Variants in PCNX2 observed in about 807,000 individuals in gnomAD.
PCNX2 encodes pecanex-like protein 2.
PCNX2 carries 168 observed loss-of-function variants against 223.8 expected under a neutral mutation model. The ratio of observed to expected loss-of-function variants is 0.75; its 90% CI spans 0.66 to 0.85. PCNX2 has a LOEUF of 0.85. Among genes scored for constraint, PCNX2 ranks in the 40% least tolerant of loss-of-function variants. PCNX2 has a pLI of 0.00. For synonymous variants in PCNX2, 1,006 were observed against 1,052.6 expected, an observed-to-expected ratio of 0.96 and a Z score of 0.86; for missense variants, 2,507 against 2,675.5, an observed-to-expected ratio of 0.94 and a Z score of 1.39.
At chr1:233,289,887 T>C (rs1396329736) in intron 1 of PCNX2, among the ~76,000 whole-genome samples, 1 of 152,248 alleles carries the variant, frequency 6.6e-6, no homozygotes. Flanking sequence ...GCAGGTTGCA[T>C]GCTGCACAAA....
intron 1 of PCNX2, among the ~76,000 whole-genome samples, chr1:233,268,411 T>C (rs1039363695): frequency 6.6e-6 from 1 of 152,194 alleles, no homozygotes; most frequent in Non-Finnish European, 1.5e-5. Context: ...TGCTGAGGGT[T>C]TCTGTTTGCA....
intron 9 of PCNX2, among the ~76,000 whole-genome samples, chr1:233,228,200 G>A (rs1020791924): frequency 1.1e-4 from 16 of 152,150 alleles, no homozygotes; most frequent in South Asian, 4.2e-4. Context: ...CCCGTTCTCC[G>A]TGTACAGAAG....
intron 18 of PCNX2, 104 bp downstream of exon 18, chr1:233,161,167 T>C (rs1678449795): frequency 9.2e-7 from 1 of 1,084,824 alleles, no homozygotes; most frequent in Non-Finnish European, 1.4e-6. Flanking sequence ...TTTTGTTTTC[T>C]TTCTCTGGCT....
Position 233,258,973 on chromosome 1 carries a change from C to G in PCNX2, c.889G>C (p.Glu297Gln), listed in dbSNP as rs1418814256. The G allele has an allele frequency of 1.2e-6, 2 of 1,613,770 alleles. No individual in the cohort carries two copies. The highest frequency in any genetic ancestry group is 2.7e-5 in the African/African-American group (2 of 74,880). The change falls in exon 5 of 34, where the codon GAA becomes CAA. Residue 297 changes from glutamate to glutamine, a missense_variant. By Grantham distance (29) the Glu-to-Gln change is conservative. This residue lies in a region of PCNX2 where 1,031 missense variants were observed against 1,021.7 expected (regional missense o/e 1.01). Coordinates refer to ENST00000258229, the MANE Select transcript of PCNX2 (RefSeq NM_014801.4). ...TGAGGTGACTTGCTTTGTACCCGTT[C>G]CCTTATGGAGCCCCGGGGACAACTG... Reference protein sequence around the residue: ...PVSCPRGSIRERVQSKSPQDS... With the variant: ...PVSCPRGSIRQRVQSKSPQDS...
chr1:233,178,204 C>A (rs1679594194), intron 16 of PCNX2, among the ~76,000 whole-genome samples: 3 of 152,158 alleles, frequency 2.0e-5, no homozygotes, highest in African/African-American at 7.2e-5. Context: ...TCACAATTAG[C>A]AGCAAAAAGT....
intron 26 of PCNX2, chr1:233,019,280 T>A (rs1203662573): frequency 1.4e-5 from 12 of 864,990 alleles, no homozygotes; most frequent in Non-Finnish European, 1.7e-5. Flanking sequence ...AGTCTACCTG[T>A]CCCAAAAATG....
At chr1:233,255,817 A>G (rs757571022) in intron 5 of PCNX2, among the ~76,000 whole-genome samples, 1 of 152,190 alleles carries the variant, frequency 6.6e-6, no homozygotes, top group Non-Finnish European at 1.5e-5. Flanking sequence ...AACACCCAAC[A>G]TGTTGTTTTA....
rs374768459 is a variant in PCNX2 at position 233,160,418 on chromosome 1, C to A, written c.3382G>T (p.Val1128Leu). Residue 1128 changes from valine (V) to leucine (L), a missense_variant, in exon 19 of 34, where the codon GTG (valine) becomes TTG (leucine). This residue lies in a region of PCNX2 where 1,372 missense variants were observed against 1,509.4 expected (regional missense o/e 0.91). Transcript: ENST00000258229. ...FLSLRPFLSI[V>L]LFALAGAVGF... ...ACGGCTCCAGCCAAGGCAAACAGCA[C>A]GATGCTGAGAAATGGCTGCGATAAA... 6.2e-7 allele frequency: 1 copy of A among 1,613,574 alleles called. No individual in the cohort carries two copies. The highest frequency in any genetic ancestry group is 8.5e-7 in the Non-Finnish European group (1 of 1,179,650).
At chr1:233,091,701 C>G (rs1673879228) in intron 22 of PCNX2, among the ~76,000 whole-genome samples, 1 of 148,512 alleles carries the variant, frequency 6.7e-6, no homozygotes, top group African/African-American at 2.5e-5. Flanking sequence ...CTGTTGCACT[C>G]CAGCCTGGGC....
At chr1:233,309,543 AAAT>A in the PCNX2 span, among the ~76,000 whole-genome samples, 31 of 146,674 alleles carry the variant, frequency 2.1e-4, no homozygotes, top group African/African-American at 4.2e-4. Context: ...TCCCTCAAAA[AAAT>A]AATAATAATA....
chr1:233,258,756 C>T lies in PCNX2; in HGVS notation c.1106G>A (p.Ser369Asn), dbSNP rs1451140207. The change falls in exon 5 of 34, where the codon AGT becomes AAT. Residue 369 changes from serine to asparagine, a missense_variant. Coordinates refer to ENST00000258229, the MANE Select transcript of PCNX2 (RefSeq NM_014801.4). ...IDTSQPGDPLSLHEPIKIVIT... is the reference protein window; with the variant it reads ...IDTSQPGDPLNLHEPIKIVIT... ...AACAATTTTTATGGGCTCATGTAGA[C>T]TCAGTGGGTCTCCGGGTTGAGAAGT... 2 of 1,613,718 alleles carry T rather than the reference C, an allele frequency of 1.2e-6. No individual in the cohort carries two copies. Among genetic ancestry groups the T allele is most frequent in the South Asian group, 1.1e-5 (1 of 91,080 alleles).
the PCNX2 span, among the ~76,000 whole-genome samples, chr1:233,302,085 G>A: frequency 8.3e-4 from 126 of 151,968 alleles, no homozygotes; most frequent in African/African-American, 2.5e-3. Flanking sequence ...GAACCACTGC[G>A]CCCAGCCAAG....
In PCNX2 at chr1:233,160,549, G is replaced by A. The variant is rs373632820; in HGVS notation, c.3367-116C>T. ...ACTTTTTCCTCTTAACGGATAGCCA[G>A]ACTCAGTTCTTGTTTCAGGCCTCTG... is the stretch of plus-strand genomic sequence containing the variant. On this transcript the variant is annotated intron_variant, in intron 18 of 33. Coordinates refer to ENST00000258229, the MANE Select transcript of PCNX2 (RefSeq NM_014801.4). 1.0e-5 allele frequency: 12 copies of A among 1,181,406 alleles called. No individual in the cohort carries two copies. In the African/African-American group the frequency reaches 1.4e-4, roughly 14 times the overall value. 73.2% of individuals were successfully genotyped at this position (1,181,406 alleles called of 1,614,324 possible).
At chr1:232,985,854 C>T in intron 33 of PCNX2, 5 of 611,564 alleles carry the variant, frequency 8.2e-6, no homozygotes, top group South Asian at 1.9e-5. Flanking sequence ...TGACTCCTTT[C>T]AGTGCCTGCC....
chr1:233,082,396 C>T (rs142218040), intron 23 of PCNX2, among the ~76,000 whole-genome samples: 2 of 152,250 alleles, frequency 1.3e-5, no homozygotes, highest in African/African-American at 4.8e-5. Context: ...TAATAGACTT[C>T]GGATTCCTGA....
At chr1:233,235,957 A>ATATATATATATATATATATATATAT (rs1553319645) in intron 9 of PCNX2, among the ~76,000 whole-genome samples, 4 of 93,110 alleles carry the variant, frequency 4.3e-5, no homozygotes, top group African/African-American at 1.6e-4. Flanking sequence ...CATAAAAAAA[A>ATATATATATATATATATATATATAT]ATATATATAT....
intron 10 of PCNX2, among the ~76,000 whole-genome samples, chr1:233,225,826 A>G (rs1212003689): frequency 1.3e-5 from 2 of 152,230 alleles, no homozygotes; most frequent in African/African-American, 2.4e-5. Context: ...AGAATATACT[A>G]TCTTGGATTT....
intron 23 of PCNX2, among the ~76,000 whole-genome samples, chr1:233,078,501 A>C (rs6684434): frequency 6.6e-6 from 1 of 152,090 alleles, no homozygotes; most frequent in African/African-American, 2.4e-5. Context: ...AAAGCTGGAC[A>C]AACTAAGGAT....
chr1:233,074,316 C>T (rs1028188236), intron 23 of PCNX2, among the ~76,000 whole-genome samples: 3 of 152,064 alleles, frequency 2.0e-5, no homozygotes, highest in Non-Finnish European at 4.4e-5. Flanking sequence ...AGGACGAGGC[C>T]GGGCGCGGTG....
Sources: allele counts gnomAD v4.1 joint callset (sites outside exome capture counted in the v4.1 genomes callset), GRCh38; gene constraint gnomAD v4.1.1; regional missense constraint gnomAD v4.1.1; transcripts MANE v1.5; gene names NCBI Gene and HGNC (gene_info 2026-07-23, HGNC 2026-07-21).